The following RBPMS variants were observed in gnomAD, a reference collection of about 807,000 sequenced individuals.
The protein encoded by RBPMS is RNA binding protein, mRNA processing factor, also known as RNA-binding protein with multiple splicing.
In RBPMS, 7 loss-of-function variants were observed where a neutral mutation model predicts 26.8. The observed-to-expected ratio is 0.26, with a 90% CI of 0.15 to 0.49. The LOEUF (loss-of-function observed/expected upper bound fraction) is 0.49. Among genes scored for constraint, RBPMS ranks in the 20% least tolerant of loss-of-function variants. The pLI is 0.98. For missense variants in RBPMS, 186 were observed against 250.0 expected, an observed-to-expected ratio of 0.74 and a Z score of 1.73; for synonymous variants, 96 against 93.3, an observed-to-expected ratio of 1.03 and a Z score of -0.17.
chr8:30,559,151 G>C (rs1462093686), intron 7 of RBPMS, among the ~76,000 whole-genome samples, 195 bp downstream of exon 7: 1 of 152,204 alleles, frequency 6.6e-6, no homozygotes. Context: ...CTAGGTACGG[G>C]TGCTAGTCTA....
chr8:30,447,975 T>A (rs1269187420), intron 1 of RBPMS, among the ~76,000 whole-genome samples: 1 of 152,190 alleles, frequency 6.6e-6, no homozygotes, highest in Non-Finnish European at 1.5e-5. Flanking sequence ...AGCCTCTTAG[T>A]CCTCTTACCT....
rs146318037 is a variant in RBPMS, at chr8:30,468,789, A to G, written c.67-5990A>G. Reference sequence around the variant, plus strand: ...GTTTCTCCAAAACAATGATTCAAACATACAGCACATTTAAAAGCTGCTTTG... The same window carrying G: ...GTTTCTCCAAAACAATGATTCAAACGTACAGCACATTTAAAAGCTGCTTTG... On this transcript the variant is annotated intron_variant, in intron 1 of 8. Transcript: ENST00000397323. Among the ~76,000 whole-genome samples the G allele has an allele frequency of 5.6e-3, 860 of 152,340 alleles. 5 individuals are homozygous for G. The highest frequency in any genetic ancestry group is 0.014 in the Middle Eastern group (4 of 294).
At chr8:30,412,676 T>G (rs1387844499) in intron 1 of RBPMS, among the ~76,000 whole-genome samples, 1 of 152,212 alleles carries the variant, frequency 6.6e-6, no homozygotes, top group Non-Finnish European at 1.5e-5. Flanking sequence ...GTTCATTCTT[T>G]TTTAAGTGCT....
At chr8:30,512,483 CTGT>C (rs1821821640) in intron 5 of RBPMS, among the ~76,000 whole-genome samples, 1 of 151,990 alleles carries the variant, frequency 6.6e-6, no homozygotes, top group African/African-American at 2.4e-5. Context: ...GTTTTTGTTA[CTGT>C]TGTTGTTTTT....
At chr8:30,470,836 C>T (rs16877064) in intron 1 of RBPMS, among the ~76,000 whole-genome samples, 2,741 of 152,206 alleles carry the variant, frequency 0.018, 68 homozygotes, top group African/African-American at 0.061. Flanking sequence ...TTAGGCCTGA[C>T]GGGAGCTCAG....
chr8:30,549,759 T>A (rs1826157312), intron 6 of RBPMS, among the ~76,000 whole-genome samples: 1 of 118,826 alleles, frequency 8.4e-6, no homozygotes. Flanking sequence ...TCCTTTTCTT[T>A]TCTTTTCTTT....
intron 1 of RBPMS, among the ~76,000 whole-genome samples, chr8:30,463,683 A>G (rs1816196184): frequency 6.6e-6 from 1 of 152,248 alleles, no homozygotes; most frequent in African/African-American, 2.4e-5. Context: ...AGGAATATCA[A>G]AGAAATTGTG....
At chr8:30,410,277 G>A (rs1481307697) in intron 1 of RBPMS, among the ~76,000 whole-genome samples, 2 of 151,586 alleles carry the variant, frequency 1.3e-5, no homozygotes, top group East Asian at 1.9e-4. Flanking sequence ...TACAATCTCC[G>A]CTCCCTGCAA....
intron 1 of RBPMS, among the ~76,000 whole-genome samples, chr8:30,459,500 C>T (rs1432048440): frequency 1.3e-5 from 2 of 152,060 alleles, no homozygotes; most frequent in African/African-American, 2.4e-5. Flanking sequence ...AAAAGTGGCT[C>T]GATTGACAGG....
chr8:30,448,566 A>C, intron 1 of RBPMS, among the ~76,000 whole-genome samples: 1 of 152,238 alleles, frequency 6.6e-6, no homozygotes, highest in East Asian at 1.9e-4. Flanking sequence ...TGCACGAAGC[A>C]GAGAAAAAAG....
intron 8 of RBPMS, among the ~76,000 whole-genome samples, chr8:30,566,845 T>C (rs1209672046): frequency 6.6e-6 from 1 of 152,190 alleles, no homozygotes; most frequent in Non-Finnish European, 1.5e-5. Context: ...ATAATTACCC[T>C]GGAGCATGAC....
At chr8:30,555,868 C>T (rs1826838030) in intron 6 of RBPMS, 4 of 985,200 alleles carry the variant, frequency 4.1e-6, no homozygotes, top group East Asian at 1.1e-4. Flanking sequence ...ACCCTCTCCT[C>T]ATTACCCCCA....
chr8:30,538,552 G>A (rs779929917), intron 5 of RBPMS, among the ~76,000 whole-genome samples: 2 of 152,124 alleles, frequency 1.3e-5, no homozygotes, highest in African/African-American at 4.8e-5. Flanking sequence ...CACCGCGCCC[G>A]GCAACAATCT....
At chr8:30,554,503 T>G (rs1043376044) in intron 6 of RBPMS, among the ~76,000 whole-genome samples, 12 of 152,192 alleles carry the variant, frequency 7.9e-5, no homozygotes, top group African/African-American at 2.9e-4. Context: ...GGGACCAAAT[T>G]GTGCATTTCT....
intron 2 of RBPMS, among the ~76,000 whole-genome samples, chr8:30,475,312 A>G (rs1473527456): frequency 6.6e-6 from 1 of 152,218 alleles, no homozygotes; most frequent in African/African-American, 2.4e-5. Context: ...TGGAAATAAG[A>G]TCACTTGATA....
chr8:30,497,942 T>A (rs1820161330), intron 4 of RBPMS, among the ~76,000 whole-genome samples: 1 of 151,784 alleles, frequency 6.6e-6, no homozygotes, highest in South Asian at 2.1e-4. Flanking sequence ...AGAGGGATAG[T>A]AGCAAATTTG....
intron 5 of RBPMS, among the ~76,000 whole-genome samples, chr8:30,522,857 C>T (rs1823204706): frequency 6.6e-6 from 1 of 152,090 alleles, no homozygotes; most frequent in Non-Finnish European, 1.5e-5. Context: ...TACTTATTAA[C>T]CATTTAATTT....
intron 4 of RBPMS, among the ~76,000 whole-genome samples, chr8:30,480,148 C>G (rs1431906429): frequency 6.6e-6 from 1 of 152,218 alleles, no homozygotes; most frequent in African/African-American, 2.4e-5. Flanking sequence ...CCATCATGCT[C>G]TAGGCAGTTG....
intron 6 of RBPMS, chr8:30,549,570 C>A: frequency 6.2e-7 from 1 of 1,613,950 alleles, no homozygotes; most frequent in Non-Finnish European, 8.5e-7. Context: ...GCCAGCCTGG[C>A]CTGGTTTCCT....
Sources: gnomAD v4.1 joint callset for allele counts (sites outside exome capture counted in the v4.1 genomes callset) on GRCh38, gnomAD v4.1.1 for gene constraint, MANE v1.5 for transcripts, NCBI Gene and HGNC (gene_info 2026-07-23, HGNC 2026-07-21) for gene names.